Variants in DNAAF4 observed in about 807,000 individuals in gnomAD.
DNAAF4 encodes the protein dynein axonemal assembly factor 4.
DNAAF4 carries 43 observed loss-of-function variants against 51.8 expected under a neutral mutation model. The observed-to-expected ratio is 0.83, with a 90% confidence interval of 0.65 to 1.07. The LOEUF (loss-of-function observed/expected upper bound fraction) is 1.07, where lower values mean the gene tolerates loss of function less well. Ranked by LOEUF, DNAAF4 falls within the 50% of genes least tolerant of loss-of-function variation. DNAAF4 has a pLI of 0.00. For missense variants in DNAAF4, 581 were observed against 493.0 expected (o/e 1.18, Z -1.69); for synonymous variants, 194 against 165.6 (o/e 1.17, Z -1.32).
intron 7 of DNAAF4, among the ~76,000 whole-genome samples, chr15:55,436,660 T>A (rs2057616696): frequency 6.6e-6 from 1 of 152,044 alleles, no homozygotes; most frequent in African/African-American, 2.4e-5. Context: ...GCTGGGATTA[T>A]AGGAGTGAGC....
chr15:55,426,385 G>A (rs1010964444), downstream of DNAAF4, among the ~76,000 whole-genome samples: 2 of 152,194 alleles, frequency 1.3e-5, no homozygotes, highest in Admixed American at 1.3e-4. Context: ...TTGGAGAAAG[G>A]TTGTTAACAT....
chr15:55,434,810 C>T, intron 8 of DNAAF4, 95 bp downstream of exon 8: 1 of 1,054,324 alleles, frequency 9.5e-7, no homozygotes, highest in Non-Finnish European at 1.3e-6. Flanking sequence ...CTTTGCATCT[C>T]AATTATTTCA....
chr15:55,504,862 CA>C (rs2058718163), intron 1 of DNAAF4, among the ~76,000 whole-genome samples: 1 of 152,142 alleles, frequency 6.6e-6, no homozygotes, highest in Admixed American at 6.6e-5. Flanking sequence ...TAGGCATGGG[CA>C]AAAACTTCAT....
intron 6 of DNAAF4, among the ~76,000 whole-genome samples, chr15:55,448,520 GTGTGTGTGT>G (rs1165117118): frequency 0.23 from 7,144 of 30,774 alleles, 746 homozygotes; most frequent in Non-Finnish European, 0.28. Flanking sequence ...AAAAAAAAGG[GTGTGTGTGT>G]GTGTGTGTGT....
At chr15:55,500,703 G>C (rs542660599) in intron 1 of DNAAF4, among the ~76,000 whole-genome samples, 21 of 152,172 alleles carry the variant, frequency 1.4e-4, no homozygotes, top group African/African-American at 4.8e-4. Flanking sequence ...TTAAAAACTT[G>C]TCAAGTTGGC....
rs183599227 is a variant in DNAAF4, at chr15:55,444,405, C to T, written c.784-4824G>A. ...TCTGTTCTGTTCCATTGGTCTATATCTCTGTTTCAGTATCAGTACCATGCT... is the reference window on the plus strand; with the variant it reads ...TCTGTTCTGTTCCATTGGTCTATATTTCTGTTTCAGTATCAGTACCATGCT... On this transcript the variant is annotated intron_variant, in intron 6 of 9. Coordinates refer to ENST00000321149, the MANE Select transcript of DNAAF4 (RefSeq NM_130810.4). 8.0e-3 allele frequency among the ~76,000 whole-genome samples: 1,213 copies of T among 152,264 alleles called. 11 individuals carry two copies. Among genetic ancestry groups the T allele is most frequent in the Middle Eastern group, 0.017 (5 of 294 alleles).
At chr15:55,503,806 A>G (rs1595964559) in intron 1 of DNAAF4, among the ~76,000 whole-genome samples, 1 of 152,170 alleles carries the variant, frequency 6.6e-6, no homozygotes, top group African/African-American at 2.4e-5. Context: ...TGAGGAACCC[A>G]CAGCCAATAT....
In DNAAF4 at chr15:55,436,986, A is replaced by G. The variant is rs554400885; in HGVS notation, c.894-1928T>C. On this transcript the variant is annotated intron_variant, in intron 7 of 9. Coordinates refer to ENST00000321149, the MANE Select transcript of DNAAF4 (RefSeq NM_130810.4). The stretch of plus-strand genomic sequence containing the variant: ...CAGGTATGCGCCACCACACCCAGCT[A>G]ATTTTGTACTTTTAGTAAAGACAGG... Among the ~76,000 whole-genome samples, 380 of 151,362 alleles carry G rather than the reference A, an allele frequency of 2.5e-3. 1 individual carries two copies. Among genetic ancestry groups the G allele is most frequent in the Middle Eastern group, 6.9e-3 (2 of 290 alleles).
intron 7 of DNAAF4, chr15:55,418,529 A>G (rs2057358252): frequency 6.6e-7 from 1 of 1,513,924 alleles, no homozygotes; most frequent in Non-Finnish European, 8.8e-7. Context: ...ACCTGACAGA[A>G]CCAGAACTCT....
intron 4 of DNAAF4, among the ~76,000 whole-genome samples, chr15:55,489,759 C>A: frequency 6.9e-6 from 1 of 145,970 alleles, no homozygotes; most frequent in Non-Finnish European, 1.5e-5. Flanking sequence ...TAATAGAAAA[C>A]AATGCTAGTT....
chr15:55,436,713 T>A (rs2057617916), intron 7 of DNAAF4, among the ~76,000 whole-genome samples: 1 of 151,920 alleles, frequency 6.6e-6, no homozygotes, highest in South Asian at 2.1e-4. Flanking sequence ...AGAAATTGGG[T>A]TTCACCATAT....
At chr15:55,441,426 T>TA (rs1567006046) in intron 6 of DNAAF4, among the ~76,000 whole-genome samples, 2 of 152,170 alleles carry the variant, frequency 1.3e-5, no homozygotes, top group Non-Finnish European at 2.9e-5. Context: ...TCTTTTTTTT[T>TA]ACTATACTTT....
At chr15:55,451,847 C>T (rs559876161) in intron 5 of DNAAF4, among the ~76,000 whole-genome samples, 2 of 152,056 alleles carry the variant, frequency 1.3e-5, no homozygotes, top group African/African-American at 4.8e-5. Context: ...TCTTGAACTC[C>T]TGGGCTCAAG....
At chr15:55,457,863 A>T (rs1404760471) in intron 5 of DNAAF4, among the ~76,000 whole-genome samples, 1 of 152,194 alleles carries the variant, frequency 6.6e-6, no homozygotes, top group Non-Finnish European at 1.5e-5. Flanking sequence ...TGTGGATCAC[A>T]TCACAGGGCT....
intron 6 of DNAAF4, among the ~76,000 whole-genome samples, chr15:55,449,947 T>C (rs906854031): frequency 2.0e-5 from 3 of 151,692 alleles, no homozygotes; most frequent in Admixed American, 6.6e-5. Flanking sequence ...GATCCACCCA[T>C]CTCGGGCTCC....
Position 55,454,620 on chromosome 15 carries a change from C to T in DNAAF4, c.638-4253G>A, listed in dbSNP as rs554566802. ...CTCGAACTCCTGGTCTCAAGTAATT[C>T]GCCCAACTCAGCCTCCCAAAGTGCT... On this transcript the variant is annotated intron_variant, in intron 5 of 9. Transcript: ENST00000321149. Among the ~76,000 whole-genome samples the T allele has an allele frequency of 5.3e-5, 8 of 152,026 alleles. No homozygotes were observed. The South Asian group carries it at 6.2e-4, about 12-fold the overall frequency.
At chr15:55,471,290 C>T (rs1230240371) in intron 4 of DNAAF4, among the ~76,000 whole-genome samples, 1 of 152,046 alleles carries the variant, frequency 6.6e-6, no homozygotes, top group East Asian at 1.9e-4. Flanking sequence ...TCAAGAGTTG[C>T]CTCATTAGAA....
At chr15:55,442,790 G>T in intron 6 of DNAAF4, 2 of 1,607,308 alleles carry the variant, frequency 1.2e-6, no homozygotes, top group Non-Finnish European at 1.7e-6. Flanking sequence ...GAACAAAGAG[G>T]GATAGGTCTT....
chr15:55,454,621 G>A (rs1051049753), intron 5 of DNAAF4, among the ~76,000 whole-genome samples: 3 of 151,908 alleles, frequency 2.0e-5, no homozygotes, highest in African/African-American at 7.2e-5. Context: ...CAAGTAATTC[G>A]CCCAACTCAG....
Sources: gnomAD v4.1 joint callset for allele counts (sites outside exome capture counted in the v4.1 genomes callset) on GRCh38, gnomAD v4.1.1 for gene constraint, MANE v1.5 for transcripts, NCBI Gene and HGNC (gene_info 2026-07-23, HGNC 2026-07-21) for gene names.